The following GLMN variants were observed in gnomAD, a reference collection of about 807,000 sequenced individuals.
GLMN encodes glomulin, FKBP associated protein.
Under a neutral mutation model 87.8 loss-of-function variants are expected in GLMN, and 75 were observed. The ratio of observed to expected loss-of-function variants is 0.85; its 90% confidence interval spans 0.71 to 1.04. The LOEUF (loss-of-function observed/expected upper bound fraction) is 1.04, where lower values mean the gene tolerates loss of function less well. Ranked by LOEUF, GLMN falls within the 50% of genes least tolerant of loss-of-function variation. The pLI is 0.00. For missense variants in GLMN, 588 were observed against 658.8 expected, an observed-to-expected ratio of 0.89 and a Z score of 1.18; for synonymous variants, 206 against 221.6, an observed-to-expected ratio of 0.93 and a Z score of 0.63.
the GLMN span, among the ~76,000 whole-genome samples, chr1:92,351,450 A>G: frequency 1.3e-5 from 2 of 152,194 alleles, no homozygotes; most frequent in Non-Finnish European, 2.9e-5. Flanking sequence ...CTGAAAGTAA[A>G]GAATCACTTT....
the GLMN span, among the ~76,000 whole-genome samples, chr1:92,340,818 C>G: frequency 6.6e-6 from 1 of 151,994 alleles, no homozygotes; most frequent in Non-Finnish European, 1.5e-5. Flanking sequence ...GTTTACCTGT[C>G]GTAGTGTAAA....
intron 3 of GLMN, among the ~76,000 whole-genome samples, chr1:92,296,768 A>T (rs1650113066): frequency 2.6e-5 from 4 of 152,232 alleles, no homozygotes; most frequent in Admixed American, 2.6e-4. Context: ...TTGTAACTGG[A>T]TGATACTGGC....
intron 7 of GLMN, among the ~76,000 whole-genome samples, chr1:92,279,463 A>AC (rs1181637799): frequency 6.6e-6 from 1 of 150,868 alleles, no homozygotes; most frequent in Non-Finnish European, 1.5e-5. Flanking sequence ...TCACAAAAAA[A>AC]AAAAAAAAAA....
upstream of GLMN, chr1:92,299,278 A>C: frequency 2.2e-6 from 1 of 464,960 alleles, no homozygotes; most frequent in Non-Finnish European, 3.9e-6. Context: ...GAGTAGGCCG[A>C]AAGCTTCCCA....
At chr1:92,267,878 G>T in intron 11 of GLMN, 35 bp downstream of exon 11, 1 of 982,020 alleles carries the variant, frequency 1.0e-6, no homozygotes, top group Non-Finnish European at 1.7e-6. Context: ...CAGGCAAAGG[G>T]CTATTTTCAA....
chr1:92,335,663 C>T, the GLMN span, among the ~76,000 whole-genome samples: 1 of 151,980 alleles, frequency 6.6e-6, no homozygotes, highest in Non-Finnish European at 1.5e-5. Context: ...ATACTATGTA[C>T]ATTTTTCACT....
chr1:92,252,434 GTGTCTAC>G (rs1363113544), intron 16 of GLMN, among the ~76,000 whole-genome samples: 7 of 152,096 alleles, frequency 4.6e-5, no homozygotes, highest in African/African-American at 1.2e-4. Context: ...ATAGTCACAT[GTGTCTAC>G]TGTCTACTGT....
the GLMN span, among the ~76,000 whole-genome samples, chr1:92,343,008 T>A: frequency 1.4e-4 from 21 of 152,136 alleles, no homozygotes; most frequent in African/African-American, 4.8e-4. Flanking sequence ...GCTAATACAT[T>A]TGAGAGTTGT....
chr1:92,292,732 C>CTTTTT (rs1177905555), intron 3 of GLMN, among the ~76,000 whole-genome samples: 2 of 119,678 alleles, frequency 1.7e-5, no homozygotes, highest in African/African-American at 6.4e-5. Context: ...CTTTTCTTTT[C>CTTTTT]TTTTTTTTTT....
At chr1:92,285,349 C>G (rs1648600897) in intron 7 of GLMN, among the ~76,000 whole-genome samples, 2 of 152,068 alleles carry the variant, frequency 1.3e-5, no homozygotes, top group African/African-American at 2.4e-5. Flanking sequence ...CCATTCTAAG[C>G]AAACTATCAC....
chr1:92,274,958 A>G (rs1421519938), intron 7 of GLMN, among the ~76,000 whole-genome samples: 2 of 152,124 alleles, frequency 1.3e-5, no homozygotes, highest in African/African-American at 4.8e-5. Context: ...TGCACCCTGT[A>G]TTTCCTTCAG....
At chr1:92,276,101 T>C (rs1647262119) in intron 7 of GLMN, among the ~76,000 whole-genome samples, 1 of 151,986 alleles carries the variant, frequency 6.6e-6, no homozygotes, top group Non-Finnish European at 1.5e-5. Flanking sequence ...GGGGTATGCC[T>C]GTAAGTCCCA....
chr1:92,330,783 T>G, the GLMN span, among the ~76,000 whole-genome samples: 4 of 152,142 alleles, frequency 2.6e-5, no homozygotes, highest in East Asian at 7.7e-4. Flanking sequence ...AACTTTTTGT[T>G]ATGGAAATTT....
the GLMN span, chr1:92,345,802 A>T: frequency 8.4e-7 from 1 of 1,192,820 alleles, no homozygotes; most frequent in Non-Finnish European, 1.2e-6. Flanking sequence ...TAGAAAGTTT[A>T]TTTAAAGGTA....
At chr1:92,311,534 A>G in the GLMN span, among the ~76,000 whole-genome samples, 43 of 152,358 alleles carry the variant, frequency 2.8e-4, no homozygotes, top group African/African-American at 9.6e-4. Flanking sequence ...AAGAAAAACC[A>G]GGCATGTTTT....
the GLMN span, among the ~76,000 whole-genome samples, chr1:92,332,384 C>T: frequency 2.6e-5 from 4 of 152,108 alleles, no homozygotes; most frequent in South Asian, 6.2e-4. Context: ...ATATATTAAA[C>T]ATGTATTTTA....
At chr1:92,293,719 A>G (rs1191904065) in intron 3 of GLMN, among the ~76,000 whole-genome samples, 1 of 152,228 alleles carries the variant, frequency 6.6e-6, no homozygotes, top group Non-Finnish European at 1.5e-5. Flanking sequence ...GTGTCCATCA[A>G]CAGATGAATG....
chr1:92,357,094 T>TACACAC, the GLMN span, among the ~76,000 whole-genome samples: 322 of 144,840 alleles, frequency 2.2e-3, 1 homozygote, highest in African/African-American at 4.8e-3. Flanking sequence ...AAGGATTACA[T>TACACAC]ACACACACAC....
chr1:92,293,789 A>C (rs1228437842), intron 3 of GLMN, among the ~76,000 whole-genome samples: 2 of 152,202 alleles, frequency 1.3e-5, no homozygotes, highest in Non-Finnish European at 2.9e-5. Flanking sequence ...AAAATGAATG[A>C]CATCCTGTCA....
Sources: allele counts gnomAD v4.1 joint callset (sites outside exome capture counted in the v4.1 genomes callset), GRCh38; gene constraint gnomAD v4.1.1; transcripts MANE v1.5; gene names NCBI Gene and HGNC (gene_info 2026-07-23, HGNC 2026-07-21).